TACR1: variants seen among roughly 807,000 people sequenced by gnomAD.
TACR1 encodes substance-P receptor.
TACR1 carries 25 observed loss-of-function variants against 35.8 expected under a neutral mutation model. The observed-to-expected ratio is 0.70, with a 90% CI of 0.51 to 0.98. The LOEUF (loss-of-function observed/expected upper bound fraction) is 0.98. TACR1 is among the 50% of genes least tolerant of loss of function. The pLI, the probability that TACR1 is intolerant of heterozygous loss-of-function variation, is 0.00. For synonymous variants in TACR1, 195 were observed against 206.7 expected, an observed-to-expected ratio of 0.94 and a Z score of 0.48; for missense variants, 478 against 522.9, an observed-to-expected ratio of 0.91 and a Z score of 0.84.
intron 2 of TACR1, among the ~76,000 whole-genome samples, chr2:75,066,590 G>C (rs1405885753): frequency 6.6e-6 from 1 of 152,294 alleles, no homozygotes; most frequent in South Asian, 2.1e-4. Flanking sequence ...TTCATGTTTG[G>C]ATTCATTCTT....
intron 2 of TACR1, among the ~76,000 whole-genome samples, chr2:75,065,808 T>A (rs942782724): frequency 6.6e-6 from 1 of 152,184 alleles, no homozygotes; most frequent in African/African-American, 2.4e-5. Context: ...ATGTGGGTGT[T>A]GGTTGGTATT....
chr2:75,094,072 T>C (rs2103858603), intron 2 of TACR1, among the ~76,000 whole-genome samples: 1 of 152,298 alleles, frequency 6.6e-6, no homozygotes, highest in South Asian at 2.1e-4. Flanking sequence ...TTTAAGATAC[T>C]CTGTCCCATG....
At chr2:75,171,694 G>T (rs1572977506) in intron 1 of TACR1, among the ~76,000 whole-genome samples, 1 of 152,348 alleles carries the variant, frequency 6.6e-6, no homozygotes, top group South Asian at 2.1e-4. Flanking sequence ...TGACCTGGAT[G>T]TGAGACGTGG....
At chr2:75,148,172 A>G (rs999549855) in intron 1 of TACR1, among the ~76,000 whole-genome samples, 2 of 152,198 alleles carry the variant, frequency 1.3e-5, no homozygotes, top group African/African-American at 2.4e-5. Flanking sequence ...TAGTGCTGCA[A>G]TAAACATACG....
intron 2 of TACR1, among the ~76,000 whole-genome samples, chr2:75,084,574 G>C (rs937450668): frequency 1.1e-4 from 16 of 152,160 alleles, no homozygotes; most frequent in African/African-American, 3.9e-4. Context: ...TTTTTGGTTG[G>C]TAAGCTATTA....
chr2:75,080,183 G>A (rs1313957895), intron 2 of TACR1, among the ~76,000 whole-genome samples: 1 of 152,140 alleles, frequency 6.6e-6, no homozygotes, highest in Non-Finnish European at 1.5e-5. Context: ...ATATTTAAAA[G>A]AGTATAATGC....
At chr2:75,162,398 G>T (rs183000452) in intron 1 of TACR1, among the ~76,000 whole-genome samples, 2 of 152,260 alleles carry the variant, frequency 1.3e-5, no homozygotes, top group East Asian at 3.9e-4. Flanking sequence ...ACTAATTCTA[G>T]CCAATGGCCA....
chr2:75,115,119 G>C (rs1228382735), intron 2 of TACR1, among the ~76,000 whole-genome samples: 2 of 140,966 alleles, frequency 1.4e-5, no homozygotes, highest in South Asian at 2.2e-4. Context: ...GTGTGTGTGT[G>C]TCTTCACATC....
chr2:75,154,450 A>T (rs112070928), intron 1 of TACR1: 8,756 of 89,010 alleles, frequency 0.098, 1,797 homozygotes, highest in African/African-American at 0.31. Flanking sequence ...ACACACACAC[A>T]CTCTGAAGAA....
At chr2:75,077,679 A>G (rs887259740) in intron 2 of TACR1, among the ~76,000 whole-genome samples, 1 of 152,170 alleles carries the variant, frequency 6.6e-6, no homozygotes, top group African/African-American at 2.4e-5. Context: ...CAGGCCTGAG[A>G]TGCTGGGGTA....
chr2:75,117,133 TTGTGTGTGTGTG>T (rs3079167), intron 2 of TACR1, among the ~76,000 whole-genome samples: 17 of 148,868 alleles, frequency 1.1e-4, no homozygotes, highest in African/African-American at 4.2e-4. Context: ...ACTTTGTGGA[TTGTGTGTGTGTG>T]TGTGTGTGTG....
At chr2:75,132,492 T>C (rs1674197153) in intron 1 of TACR1, among the ~76,000 whole-genome samples, 1 of 152,192 alleles carries the variant, frequency 6.6e-6, no homozygotes, top group South Asian at 2.1e-4. Context: ...TTATAATTTT[T>C]ACTCACTCCT....
At chr2:75,143,765 G>A (rs1456802020) in intron 1 of TACR1, among the ~76,000 whole-genome samples, 1 of 152,214 alleles carries the variant, frequency 6.6e-6, no homozygotes, top group Non-Finnish European at 1.5e-5. Flanking sequence ...GACCCAAGGA[G>A]ACTGGCTCTG....
intron 1 of TACR1, among the ~76,000 whole-genome samples, chr2:75,124,096 A>T (rs1015693581): frequency 2.0e-5 from 3 of 152,102 alleles, no homozygotes; most frequent in African/African-American, 7.2e-5. Flanking sequence ...GGCGTGTGGG[A>T]TATGGATTAT....
chr2:75,162,043 CAAAAAAAAAA>C (rs35438025), intron 1 of TACR1, among the ~76,000 whole-genome samples: 4 of 94,188 alleles, frequency 4.2e-5, no homozygotes, highest in South Asian at 8.4e-4. Flanking sequence ...TTGACTCTTC[CAAAAAAAAAA>C]AAAAAAAAAA....
intron 1 of TACR1, chr2:75,154,410 G>GCACGCA (rs1553380945): frequency 1.3e-5 from 1 of 75,364 alleles, no homozygotes; most frequent in African/African-American, 4.9e-5. Context: ...GAGCGCGCAC[G>GCACGCA]CACACACACA....
chr2:75,159,825 C>T (rs1490925798), intron 1 of TACR1, among the ~76,000 whole-genome samples: 3 of 152,204 alleles, frequency 2.0e-5, no homozygotes, highest in Admixed American at 6.5e-5. Context: ...CTGACAGAGT[C>T]GTAGTGCATT....
At chr2:75,175,865 C>G (rs1461588601) in intron 1 of TACR1, among the ~76,000 whole-genome samples, 1 of 152,164 alleles carries the variant, frequency 6.6e-6, no homozygotes, top group African/African-American at 2.4e-5. Context: ...ACATTTTGAA[C>G]TTTGAAAACA....
At chr2:75,123,535 C>T (rs1222723862) in intron 1 of TACR1, among the ~76,000 whole-genome samples, 1 of 152,154 alleles carries the variant, frequency 6.6e-6, no homozygotes, top group Non-Finnish European at 1.5e-5. Context: ...GAACGCACTT[C>T]AGTTAACTCT....
Sources: allele counts gnomAD v4.1 joint callset (sites outside exome capture counted in the v4.1 genomes callset), GRCh38; gene constraint gnomAD v4.1.1; transcripts MANE v1.5; gene names NCBI Gene and HGNC (gene_info 2026-07-23, HGNC 2026-07-21).